FAP: variants seen among roughly 807,000 people sequenced by gnomAD.
The protein encoded by FAP is fibroblast activation protein alpha, also known as prolyl endopeptidase FAP.
In FAP, 110 loss-of-function variants were observed where a neutral mutation model predicts 126.5. That is an observed-to-expected ratio of 0.87 (90% confidence interval 0.74 to 1.02). FAP has a LOEUF of 1.02. Among genes scored for constraint, FAP ranks in the 50% least tolerant of loss-of-function variants. The pLI, the probability that FAP is intolerant of heterozygous loss-of-function variation, is 0.00. For synonymous variants in FAP, 334 were observed against 297.3 expected (o/e 1.12, Z -1.27); for missense variants, 919 against 909.2 (o/e 1.01, Z -0.14).
intron 14 of FAP, among the ~76,000 whole-genome samples, chr2:162,201,111 A>G (rs1688480326): frequency 6.6e-6 from 1 of 152,184 alleles, no homozygotes; most frequent in African/African-American, 2.4e-5. Context: ...TCATAAGAGA[A>G]CATGCTTTTA....
At chr2:162,194,026 C>T (rs1576151618) in intron 17 of FAP, 1 of 152,124 alleles carries the variant, frequency 6.6e-6, no homozygotes, top group South Asian at 2.1e-4. Context: ...ACTTGGACAA[C>T]TCTGCTGCGA....
At chr2:162,218,713 A>G (rs1221434034) in intron 8 of FAP, among the ~76,000 whole-genome samples, 4 of 151,976 alleles carry the variant, frequency 2.6e-5, no homozygotes, top group Admixed American at 1.3e-4. Flanking sequence ...ATATGTTCCC[A>G]TAAGATAACA....
At chr2:162,204,644 C>T (rs962777974) in intron 12 of FAP, among the ~76,000 whole-genome samples, 1 of 152,154 alleles carries the variant, frequency 6.6e-6, no homozygotes, top group African/African-American at 2.4e-5. Context: ...GGATTCTTCT[C>T]TTGAGTCTTC....
At chr2:162,177,722 T>TTGTC (rs1449520512) in intron 21 of FAP, among the ~76,000 whole-genome samples, 1 of 152,176 alleles carries the variant, frequency 6.6e-6, no homozygotes, top group Non-Finnish European at 1.5e-5. Context: ...ATCTTGTTTA[T>TTGTC]TGTCTTTCTC....
intron 5 of FAP, among the ~76,000 whole-genome samples, chr2:162,223,867 A>G (rs1469829548): frequency 6.6e-6 from 1 of 152,182 alleles, no homozygotes; most frequent in East Asian, 1.9e-4. Context: ...TGCAAGTTCC[A>G]GAACTAATCT....
chr2:162,214,086 T>A lies in FAP; in HGVS notation c.867-13A>T, dbSNP rs6735909. The A allele has an allele frequency of 0.026, 41,174 of 1,612,294 alleles. 3,344 individuals are homozygous for A. In the Admixed American group the frequency reaches 0.28, roughly 11 times the overall value. On this transcript the variant is annotated splice_polypyrimidine_tract_variant and intron_variant, in intron 10 of 25. Coordinates refer to ENST00000188790, the MANE Select transcript of FAP (RefSeq NM_004460.5). ...GAAATAATAATCACTGCAAATAAAA[T>A]AGAAACAGGTAGTCACAACCATAAA... is the stretch of plus-strand genomic sequence containing the variant.
chr2:162,218,977 C>G (rs1200721379), intron 8 of FAP, 86 bp downstream of exon 8: 2 of 1,065,914 alleles, frequency 1.9e-6, no homozygotes, highest in Non-Finnish European at 2.6e-6. Flanking sequence ...AAATAAGATA[C>G]TACTCATCTA....
At chr2:162,191,198 C>G (rs567982211) in intron 17 of FAP, among the ~76,000 whole-genome samples, 5 of 152,140 alleles carry the variant, frequency 3.3e-5, no homozygotes, top group Non-Finnish European at 7.4e-5. Context: ...AAGTGGGAGA[C>G]AGTATCCGGG....
intron 12 of FAP, among the ~76,000 whole-genome samples, chr2:162,205,486 T>C (rs1021818072): frequency 4.5e-4 from 69 of 152,146 alleles, no homozygotes; most frequent in African/African-American, 1.4e-3. Context: ...ACATACTTAA[T>C]AGTAACCTCT....
chr2:162,228,725 A>T (rs1318578512), intron 2 of FAP, among the ~76,000 whole-genome samples: 1 of 152,212 alleles, frequency 6.6e-6, no homozygotes, highest in Non-Finnish European at 1.5e-5. Context: ...GGTATTATGT[A>T]GAATTCATAC....
intron 17 of FAP, among the ~76,000 whole-genome samples, chr2:162,190,732 G>C (rs1437508314): frequency 6.6e-6 from 1 of 152,080 alleles, no homozygotes; most frequent in East Asian, 1.9e-4. Context: ...TGCTACAAAA[G>C]ATGTCCATGG....
At chr2:162,201,893 A>C (rs1045825794) in intron 14 of FAP, among the ~76,000 whole-genome samples, 1 of 152,152 alleles carries the variant, frequency 6.6e-6, no homozygotes, top group African/African-American at 2.4e-5. Flanking sequence ...TCAACACATC[A>C]TGCCTGAAAT....
In FAP at chr2:162,242,994, T is replaced by G. The variant is rs769652527; in HGVS notation, c.7-2A>C. On this transcript the variant is annotated splice_acceptor_variant, in intron 1 of 25. Transcript: ENST00000188790. LOFTEE classifies it high-confidence loss of function. ...TCCAAATACGATTTTTACCCAAGTC[T>G]ACATAAAATAAAGAGAATTAGGCAT... 6.2e-7 allele frequency: 1 copy of G among 1,609,544 alleles called. No homozygotes were observed. The highest frequency in any genetic ancestry group is 8.5e-7 in the Non-Finnish European group (1 of 1,177,062).
At chr2:162,218,588 G>GATAGATAA (rs1689253369) in intron 8 of FAP, among the ~76,000 whole-genome samples, 2 of 151,668 alleles carry the variant, frequency 1.3e-5, no homozygotes, top group Non-Finnish European at 2.9e-5. Context: ...TAGATAGATA[G>GATAGATAA]ATAGATAGAT....
At chr2:162,198,930 T>C (rs989859219) in intron 15 of FAP, 49 bp from the exon 16 acceptor site, 68 of 1,544,864 alleles carry the variant, frequency 4.4e-5, no homozygotes, top group Non-Finnish European at 5.8e-5. Flanking sequence ...AGATTGTATT[T>C]ATCAAAATGT....
At position 162,214,164 on chromosome 2, in the gene FAP, T is replaced by C. The variant is rs368136921; in HGVS notation, c.867-91A>G. 1.2e-5 allele frequency: 14 copies of C among 1,210,142 alleles called. No homozygotes were observed. The African/African-American group carries it at 1.8e-4, about 16-fold the overall frequency. 75.0% of individuals were successfully genotyped at this position (1,210,142 alleles called of 1,614,324 possible). On this transcript the variant is annotated intron_variant, in intron 10 of 25. Coordinates refer to ENST00000188790, the MANE Select transcript of FAP (RefSeq NM_004460.5). ...ATTTTTGTTTTCTAAAGGATATATG[T>C]CATTATTATACATTACTTATTTAAT... is the stretch of plus-strand genomic sequence containing the variant.
At chr2:162,179,814 T>TA (rs1687632473) in intron 21 of FAP, among the ~76,000 whole-genome samples, 1 of 92,864 alleles carries the variant, frequency 1.1e-5, no homozygotes. Context: ...ATATATATAT[T>TA]TTTTTTTTTT....
intron 11 of FAP, among the ~76,000 whole-genome samples, chr2:162,210,738 A>G (rs1225326223): frequency 2.0e-5 from 3 of 152,162 alleles, no homozygotes; most frequent in Non-Finnish European, 4.4e-5. Context: ...GATGCAGAGG[A>G]TATACTAGAA....
chr2:162,240,555 C>G lies in FAP; in HGVS notation c.91+2353G>C, dbSNP rs548084395. Among the ~76,000 whole-genome samples, 4 of 152,306 alleles carry G rather than the reference C, an allele frequency of 2.6e-5. No individual in the cohort carries two copies. In the South Asian group the frequency reaches 6.2e-4, roughly 24 times the overall value. On this transcript the variant is annotated intron_variant, in intron 2 of 25. Coordinates refer to ENST00000188790, the MANE Select transcript of FAP (RefSeq NM_004460.5). ...CTAGACTGCTGCACCTCCATATCCT[C>G]AGCAACTGGCATGATGATGAGCAGG...
Sources: gnomAD v4.1 joint callset for allele counts (sites outside exome capture counted in the v4.1 genomes callset) on GRCh38, gnomAD v4.1.1 for gene constraint, MANE v1.5 for transcripts, NCBI Gene and HGNC (gene_info 2026-07-23, HGNC 2026-07-21) for gene names.